Variants in GAK observed in about 807,000 individuals in gnomAD.
GAK encodes the protein cyclin-G-associated kinase.
In GAK, 79 loss-of-function variants were observed where a neutral mutation model predicts 143.9. The observed-to-expected ratio is 0.55, with a 90% CI of 0.46 to 0.66. GAK has a LOEUF of 0.66. GAK is among the 30% of genes least tolerant of loss of function. GAK has a pLI of 0.00. For synonymous variants in GAK, 881 were observed against 765.5 expected, an observed-to-expected ratio of 1.15 and a Z score of -2.49; for missense variants, 1,693 against 1,779.7, an observed-to-expected ratio of 0.95 and a Z score of 0.88.
chr4:879,705 A>C (rs994094078), intron 15 of GAK, among the ~76,000 whole-genome samples: 2 of 151,972 alleles, frequency 1.3e-5, no homozygotes. Flanking sequence ...GAACCTGTGG[A>C]CTGGTATCTG....
chr4:863,831 C>T (rs989237846), intron 23 of GAK, among the ~76,000 whole-genome samples: 10 of 151,894 alleles, frequency 6.6e-5, no homozygotes, highest in South Asian at 2.1e-4. Context: ...GAGACCAGCC[C>T]GACCAACATA....
At chr4:900,732 T>C (rs1443868184) in intron 5 of GAK, among the ~76,000 whole-genome samples, 1 of 152,098 alleles carries the variant, frequency 6.6e-6, no homozygotes, top group Non-Finnish European at 1.5e-5. Flanking sequence ...GCTTGCAACC[T>C]TGAAGAAGCT....
At chr4:902,450 C>CAAA (rs574025254) in intron 5 of GAK, among the ~76,000 whole-genome samples, 16 of 151,354 alleles carry the variant, frequency 1.1e-4, no homozygotes, top group African/African-American at 3.6e-4. Flanking sequence ...ACTGAAAATA[C>CAAA]AAAAACTAGG....
intron 23 of GAK, among the ~76,000 whole-genome samples, chr4:862,525 G>A (rs1750479580): frequency 6.6e-6 from 1 of 152,114 alleles, no homozygotes; most frequent in South Asian, 2.1e-4. Flanking sequence ...GGGCGTGGTG[G>A]CAGGCGCCTG....
chr4:899,925 G>A lies in GAK; in HGVS notation c.526-1767C>T, dbSNP rs187499515. On this transcript the variant is annotated intron_variant, in intron 5 of 27. Coordinates refer to ENST00000314167, the MANE Select transcript of GAK (RefSeq NM_005255.4). ...AAGCCTAAGGCCACCACTGGCCCCC[G>A]AGGAGATGCGGGCCACATACAGGAC... Among the ~76,000 whole-genome samples, 1,493 of 152,352 alleles carry A rather than the reference G, an allele frequency of 9.8e-3. 27 individuals are homozygous for A. Among genetic ancestry groups the A allele is most frequent in the African/African-American group, 0.033 (1,359 of 41,586 alleles).
intron 1 of GAK, among the ~76,000 whole-genome samples, chr4:928,764 TTTC>T (rs1248266444): frequency 1.3e-5 from 2 of 152,174 alleles, no homozygotes; most frequent in African/African-American, 4.8e-5. Context: ...TCTTTTTTCT[TTTC>T]TTTTTTTTTT....
At chr4:906,520 G>C (rs1005069112) in intron 4 of GAK, among the ~76,000 whole-genome samples, 1 of 152,098 alleles carries the variant, frequency 6.6e-6, no homozygotes, top group Admixed American at 6.5e-5. Flanking sequence ...AGTCACCCCA[G>C]CACCCCTATG....
intron 25 of GAK, 61 bp downstream of exon 25, chr4:851,689 C>T (rs1748166724): frequency 1.3e-6 from 2 of 1,528,826 alleles, no homozygotes; most frequent in Admixed American, 1.7e-5. Flanking sequence ...ATAGGTTCTA[C>T]CTTTAGCCAA....
chr4:850,280 G>A lies in GAK; in HGVS notation c.3658-212C>T, dbSNP rs1747888345. ...GGCCAGGTGGTCTTCATGTTTCAGG[G>A]CCTGGGGCCAGAGGGACCCTCGTCT... On this transcript the variant is annotated intron_variant, in intron 26 of 27. Coordinates refer to ENST00000314167, the MANE Select transcript of GAK (RefSeq NM_005255.4). 1.1e-5 allele frequency: 5 copies of A among 464,350 alleles called. No homozygotes were observed. In the South Asian group the frequency reaches 2.5e-4, roughly 23 times the overall value. 28.8% of individuals were successfully genotyped at this position (464,350 alleles called of 1,614,324 possible).
chr4:900,199 G>A (rs1024313325), intron 5 of GAK, among the ~76,000 whole-genome samples: 3 of 151,938 alleles, frequency 2.0e-5, no homozygotes, highest in African/African-American at 7.3e-5. Flanking sequence ...CAGGGCAGGC[G>A]AGTGGGGCCA....
intron 24 of GAK, among the ~76,000 whole-genome samples, chr4:855,978 A>G (rs756000374): frequency 1.3e-5 from 2 of 152,174 alleles, no homozygotes; most frequent in African/African-American, 2.4e-5. Flanking sequence ...CAAAAAAAAG[A>G]TGTTGGCTGC....
chr4:916,778 A>G (rs1003550482), intron 1 of GAK, among the ~76,000 whole-genome samples: 1 of 152,224 alleles, frequency 6.6e-6, no homozygotes, highest in Non-Finnish European at 1.5e-5. Context: ...TCTGGAAAAC[A>G]TGTTGGCGAT....
At chr4:909,985 C>T (rs1174301331) in intron 4 of GAK, among the ~76,000 whole-genome samples, 2 of 152,092 alleles carry the variant, frequency 1.3e-5, no homozygotes, top group Non-Finnish European at 2.9e-5. Context: ...CCGCCACCCA[C>T]GTCAGGACAA....
At position 866,498 on chromosome 4, in the gene GAK, T is replaced by C. The variant is rs112990443; in HGVS notation, c.2909A>G (p.Asn970Ser). The change falls in exon 22 of 28, where the codon AAC becomes AGC. Residue 970 changes from asparagine (N) to serine (S), a missense_variant. By Grantham distance (46) the Asn-to-Ser change is conservative. This residue lies in a region of GAK where 822 missense variants were observed against 788.7 expected (regional missense o/e 1.04). Coordinates refer to ENST00000314167, the MANE Select transcript of GAK (RefSeq NM_005255.4). Reference protein sequence around the residue: ...PFGPLLPSSGNNSQPCSNPDL... With the variant: ...PFGPLLPSSGSNSQPCSNPDL... Reference sequence around the variant, plus strand: ...AGGATTGGAGCAGGGCTGGGAGTTGTTGCCTGAAGACGGCAGAAGCGGGCC... The same window carrying C: ...AGGATTGGAGCAGGGCTGGGAGTTGCTGCCTGAAGACGGCAGAAGCGGGCC... The C allele has an allele frequency of 7.4e-6, 12 of 1,614,028 alleles. No homozygotes were observed. Among genetic ancestry groups the C allele is most frequent in the South Asian group, 1.1e-5 (1 of 91,080 alleles).
chr4:908,647 G>C (rs539602640), intron 4 of GAK, among the ~76,000 whole-genome samples: 1 of 152,000 alleles, frequency 6.6e-6, no homozygotes, highest in Non-Finnish European at 1.5e-5. Context: ...AATTAGCTGG[G>C]CATGGTGGTG....
At chr4:931,182 G>A (rs902410266) in intron 1 of GAK, among the ~76,000 whole-genome samples, 1 of 152,220 alleles carries the variant, frequency 6.6e-6, no homozygotes, top group Non-Finnish European at 1.5e-5. Flanking sequence ...GAACGGAGAG[G>A]ACATCCAGGG....
At position 932,281 on chromosome 4, in the gene GAK, C is replaced by G; in HGVS notation, c.-94G>C. ...CGGGTCAGCTCAGCAACCGCCGGCC[C>G]GGAGGTGCACCATCTTCCGCCTCGA... On this transcript the variant is annotated 5_prime_UTR_variant, in exon 1 of 28. Coordinates refer to ENST00000314167, the MANE Select transcript of GAK (RefSeq NM_005255.4). This position sits in a 1 kb window ranked among gnomAD's most constrained non-coding sequence, Gnocchi z 4.0. 7.1e-7 allele frequency: 1 copy of G among 1,400,726 alleles called. No homozygotes were observed. Among genetic ancestry groups the G allele is most frequent in the South Asian group, 1.6e-5 (1 of 63,412 alleles). 86.8% of individuals were successfully genotyped at this position (1,400,726 alleles called of 1,614,324 possible).
intron 23 of GAK, among the ~76,000 whole-genome samples, chr4:864,616 C>T (rs1205031606): frequency 1.3e-5 from 2 of 152,130 alleles, no homozygotes; most frequent in Non-Finnish European, 2.9e-5. Context: ...TACGTGACCC[C>T]CTTCCTGACA....
At position 912,894 on chromosome 4, in the gene GAK, A is replaced by G; in HGVS notation, c.208-100T>C. 3 of 965,142 alleles carry G rather than the reference A, an allele frequency of 3.1e-6. No homozygotes were observed. In the South Asian group the frequency reaches 4.4e-5, roughly 14 times the overall value. The allele number at this position is 965,142 out of a possible 1,614,324, so 59.8% of individuals were successfully genotyped here. A position where few individuals can be genotyped will look rare whatever the true frequency, so the allele number is the denominator to read the frequency against. On this transcript the variant is annotated intron_variant, in intron 2 of 27. Coordinates refer to ENST00000314167, the MANE Select transcript of GAK (RefSeq NM_005255.4). ...ACATAAGCACGCAACAGAGCAATGC[A>G]ATGTGTCTAATACAGCTCCCCCCGT...
Sources: gnomAD v4.1 joint callset for allele counts (sites outside exome capture counted in the v4.1 genomes callset) on GRCh38, gnomAD v4.1.1 for gene constraint, gnomAD v4.1.1 regional missense constraint, Gnocchi (gnomAD v3.1) non-coding constraint, MANE v1.5 for transcripts, NCBI Gene and HGNC (gene_info 2026-07-23, HGNC 2026-07-21) for gene names.